The following CDC42BPA variants were observed in gnomAD, a reference collection of about 807,000 sequenced individuals.
The protein encoded by CDC42BPA is serine/threonine-protein kinase MRCK alpha.
In CDC42BPA, 80 loss-of-function variants were observed where a neutral mutation model predicts 223.5. The observed-to-expected ratio is 0.36, with a 90% CI of 0.30 to 0.43. The LOEUF is 0.43. CDC42BPA is among the 20% of genes least tolerant of loss of function. The pLI is 1.00. For missense variants in CDC42BPA, 1,743 were observed against 2,099.9 expected (o/e 0.83, Z 3.32); for synonymous variants, 694 against 718.6 (o/e 0.97, Z 0.55).
intron 19 of CDC42BPA, among the ~76,000 whole-genome samples, chr1:227,073,163 TG>T (rs1042368287): frequency 2.0e-5 from 3 of 152,148 alleles, no homozygotes; most frequent in African/African-American, 7.2e-5. Context: ...CAGCAGTCAA[TG>T]GATTTTCGTA....
At position 227,273,352 on chromosome 1, in the gene CDC42BPA, G is replaced by A. The variant is rs1261735921; in HGVS notation, c.179-19197C>T. 3.3e-5 allele frequency among the ~76,000 whole-genome samples: 5 copies of A among 151,266 alleles called. No homozygotes were observed. The South Asian group carries it at 6.2e-4, about 19-fold the overall frequency. On this transcript the variant is annotated intron_variant, in intron 1 of 36. Transcript: ENST00000366766. ...CCTCCAAGGCGGGCAGATCACCTGA[G>A]GATTGGGAATTCGAGACCAGCCTGA...
intron 16 of CDC42BPA, among the ~76,000 whole-genome samples, chr1:227,090,241 C>G (rs1041788228): frequency 6.6e-6 from 1 of 152,068 alleles, no homozygotes; most frequent in African/African-American, 2.4e-5. Context: ...GCTTAGAAAA[C>G]AAGCAGTCAT....
chr1:227,136,349 C>CA (rs1194058842), intron 10 of CDC42BPA, among the ~76,000 whole-genome samples: 2 of 151,894 alleles, frequency 1.3e-5, no homozygotes, highest in African/African-American at 4.8e-5. Context: ...ATGAAGCACA[C>CA]AAAAAACAGA....
At chr1:227,060,030 G>A (rs200194970) in intron 21 of CDC42BPA, among the ~76,000 whole-genome samples, 12,557 of 117,672 alleles carry the variant, frequency 0.11, 686 homozygotes, top group Middle Eastern at 0.19. Context: ...GTTTTTTTTT[G>A]TTTTTTTTTT....
chr1:227,101,228 A>C lies in CDC42BPA; in HGVS notation c.2013T>G (p.Ile671Met). The C allele has an allele frequency of 6.5e-7, 1 of 1,540,062 alleles. No individual in the cohort carries two copies. The highest frequency in any genetic ancestry group is 1.3e-5 in the South Asian group (1 of 78,276). The change falls in exon 15 of 37, where the codon ATT (isoleucine) becomes ATG (methionine). Residue 671 changes from isoleucine to methionine, a missense_variant. This residue lies in a region of CDC42BPA where 464 missense variants were observed against 488.0 expected (regional missense o/e 0.95). Transcript: ENST00000366766. ...TGCTGCATACTCCTGGTGAGTAACT[A>C]ATTTGTTTTTGCTATAGAAATAATA... ...NELEGLKQKQ[I>M]SYSPGVCSIE... is the part of the protein sequence containing the mutation.
chr1:227,212,082 T>C (rs1301993802), intron 3 of CDC42BPA, among the ~76,000 whole-genome samples: 1 of 151,952 alleles, frequency 6.6e-6, no homozygotes, highest in East Asian at 1.9e-4. Flanking sequence ...CTGAGGGTTT[T>C]TGTTTGTTTG....
rs569258026 is a variant in CDC42BPA, at chr1:227,283,846, A to C, written c.179-29691T>G. 2.6e-5 allele frequency among the ~76,000 whole-genome samples: 4 copies of C among 152,298 alleles called. No individual in the cohort carries two copies. The South Asian group carries it at 8.3e-4, about 32-fold the overall frequency. ...AGCACTTTGGGAGGCCAGGGCAGGC[A>C]GTTCACTTGAGGCCAGGAGTTTGAG... On this transcript the variant is annotated intron_variant, in intron 1 of 36. Transcript: ENST00000366766.
In CDC42BPA at chr1:227,004,929, C is replaced by G. The variant is rs762747265; in HGVS notation, c.4975+65G>C. 3 of 1,053,434 alleles carry G rather than the reference C, an allele frequency of 2.8e-6. No individual in the cohort carries two copies. In the South Asian group the frequency reaches 3.8e-5, roughly 13 times the overall value. The allele number at this position is 1,053,434 out of a possible 1,614,324, so 65.3% of individuals were successfully genotyped here. On this transcript the variant is annotated intron_variant, in intron 35 of 36. Coordinates refer to ENST00000366766, the MANE Select transcript of CDC42BPA (RefSeq NM_001394014.1). ...AGTGAAGGACATGTCACCCACGGGA[C>G]AGGAGGGGAGGGAGCTGGGGGTCAC...
chr1:227,105,639 C>A (rs138123396), intron 14 of CDC42BPA, among the ~76,000 whole-genome samples: 8 of 152,190 alleles, frequency 5.3e-5, no homozygotes, highest in Admixed American at 2.6e-4. Flanking sequence ...CAGTCATGAG[C>A]CACTGCATCG....
chr1:227,160,654 T>A lies in CDC42BPA; in HGVS notation c.600-18A>T, dbSNP rs369963045. 3.7e-6 allele frequency: 5 copies of A among 1,336,532 alleles called. No individual in the cohort carries two copies. The African/African-American group carries it at 5.8e-5, about 16-fold the overall frequency. The allele number at this position is 1,336,532 out of a possible 1,614,324, so 82.8% of individuals were successfully genotyped here. Reference sequence around the variant, plus strand: ...TAATGTCTCTGAAAAAATAAATAAATTCAATTTTTAGTGGAAAAATAAACA... The same window carrying A: ...TAATGTCTCTGAAAAAATAAATAAAATCAATTTTTAGTGGAAAAATAAACA... On this transcript the variant is annotated intron_variant, in intron 5 of 36. Coordinates refer to ENST00000366766, the MANE Select transcript of CDC42BPA (RefSeq NM_001394014.1).
intron 5 of CDC42BPA, among the ~76,000 whole-genome samples, chr1:227,163,103 AAC>A: frequency 9.7e-6 from 1 of 102,868 alleles, no homozygotes; most frequent in South Asian, 3.5e-4. Flanking sequence ...TGTGTTTCCA[AAC>A]ATATATGTGT....
At chr1:227,080,519 G>A (rs1680418387) in intron 17 of CDC42BPA, among the ~76,000 whole-genome samples, 1 of 151,906 alleles carries the variant, frequency 6.6e-6, no homozygotes, top group Non-Finnish European at 1.5e-5. Context: ...TTTTTTGCAG[G>A]CCTTCCATTT....
In CDC42BPA at chr1:227,235,593, TTAGA is replaced by T. The variant is rs368456308; in HGVS notation, c.270+18467_270+18470del. 1.6e-3 allele frequency among the ~76,000 whole-genome samples: 240 copies of T among 152,206 alleles called. 2 individuals carry two copies. The highest frequency in any genetic ancestry group is 5.5e-3 in the African/African-American group (227 of 41,522). Reference sequence around the variant, plus strand: ...TACTATTTGAATTATGTTTTGGGGGTTAGATAGAGTTCCCTAACAAAGGAAATAA... The same window carrying T: ...TACTATTTGAATTATGTTTTGGGGGTTAGAGTTCCCTAACAAAGGAAATAA... On this transcript the variant is annotated intron_variant, in intron 2 of 36. Coordinates refer to ENST00000366766, the MANE Select transcript of CDC42BPA (RefSeq NM_001394014.1).
chr1:227,233,369 C>T (rs969001123), intron 2 of CDC42BPA, among the ~76,000 whole-genome samples: 1 of 151,982 alleles, frequency 6.6e-6, no homozygotes, highest in African/African-American at 2.4e-5. Context: ...TATCTAGGAC[C>T]TCCAGTAACA....
chr1:227,261,706 T>A (rs1684111419), intron 1 of CDC42BPA, among the ~76,000 whole-genome samples: 1 of 152,040 alleles, frequency 6.6e-6, no homozygotes, highest in Admixed American at 6.6e-5. Flanking sequence ...CTGTTAGGGA[T>A]CATTCGATCC....
intron 15 of CDC42BPA, among the ~76,000 whole-genome samples, chr1:227,100,714 G>T (rs10916088): frequency 0.2 from 29,398 of 145,212 alleles, 2,968 homozygotes; most frequent in Middle Eastern, 0.27. Flanking sequence ...TCAGATTATA[G>T]GTGTGTGTGT....
chr1:227,206,541 A>G (rs1672761012), intron 3 of CDC42BPA, among the ~76,000 whole-genome samples: 1 of 152,196 alleles, frequency 6.6e-6, no homozygotes, highest in Admixed American at 6.5e-5. Context: ...ATAAAAAATA[A>G]GGAATTTTGC....
chr1:227,121,416 G>C (rs541862790), intron 11 of CDC42BPA, among the ~76,000 whole-genome samples: 1 of 152,290 alleles, frequency 6.6e-6, no homozygotes, highest in East Asian at 1.9e-4. Flanking sequence ...AAATGTATTA[G>C]TGTATCATGC....
At chr1:227,206,771 A>G (rs184692609) in intron 3 of CDC42BPA, among the ~76,000 whole-genome samples, 19 of 152,272 alleles carry the variant, frequency 1.2e-4, no homozygotes, top group Non-Finnish European at 2.5e-4. Context: ...GTTTGAGGAG[A>G]GTACCTTTCA....
Sources: gnomAD v4.1 joint callset for allele counts (sites outside exome capture counted in the v4.1 genomes callset) on GRCh38, gnomAD v4.1.1 for gene constraint, gnomAD v4.1.1 regional missense constraint, MANE v1.5 for transcripts, NCBI Gene and HGNC (gene_info 2026-07-23, HGNC 2026-07-21) for gene names.